ANO4: variants seen among roughly 807,000 people sequenced by gnomAD.
ANO4 encodes anoctamin 4.
A neutral mutation model predicts 141.9 loss-of-function variants in ANO4; 69 were observed. The observed-to-expected ratio is 0.49, with a 90% CI of 0.40 to 0.59. The LOEUF is 0.59. Among genes scored for constraint, ANO4 ranks in the 20% least tolerant of loss-of-function variants. ANO4 has a pLI of 0.00. For synonymous variants in ANO4, 350 were observed against 394.3 expected (o/e 0.89, Z 1.33); for missense variants, 894 against 1,162.2 (o/e 0.77, Z 3.36).
intron 5 of ANO4, among the ~76,000 whole-genome samples, chr12:100,943,482 C>A (rs561000381): frequency 1.3e-5 from 2 of 152,162 alleles, no homozygotes; most frequent in Non-Finnish European, 1.5e-5. Flanking sequence ...TACTTGTTAT[C>A]TGATCTTGGG....
At chr12:101,030,945 A>G (rs1273393891) in intron 9 of ANO4, among the ~76,000 whole-genome samples, 1 of 152,242 alleles carries the variant, frequency 6.6e-6, no homozygotes, top group Non-Finnish European at 1.5e-5. Flanking sequence ...AGTAATTAGT[A>G]GCCTACCCAC....
chr12:101,066,589 C>T (rs943808951), intron 14 of ANO4: 44 of 493,752 alleles, frequency 8.9e-5, no homozygotes, highest in Non-Finnish European at 1.1e-4. Context: ...AGAACACTGA[C>T]GAAAGAAATG....
rs77696838 is a variant in ANO4, at chr12:101,120,789, G to A, written c.2676+164G>A. ...TTTTTGATCTTTTTTCTTAATTGAAGTATTTGATTTTTCCAAGACATATTT... is the reference window on the plus strand; with the variant it reads ...TTTTTGATCTTTTTTCTTAATTGAAATATTTGATTTTTCCAAGACATATTT... On this transcript the variant is annotated intron_variant, in intron 26 of 27. Coordinates refer to ENST00000392977, the MANE Select transcript of ANO4 (RefSeq NM_001286615.2). 6.8e-3 allele frequency among the ~76,000 whole-genome samples: 1,042 copies of A among 152,216 alleles called. 16 individuals are homozygous for A. The highest frequency in any genetic ancestry group is 0.023 in the African/African-American group (962 of 41,532).
intron 14 of ANO4, among the ~76,000 whole-genome samples, chr12:101,051,998 C>T (rs2047892337): frequency 6.6e-6 from 1 of 152,130 alleles, no homozygotes; most frequent in South Asian, 2.1e-4. Flanking sequence ...AAAACAAATG[C>T]ACTCTATTTT....
chr12:100,908,820 A>C (rs988666081), intron 2 of ANO4, among the ~76,000 whole-genome samples: 2 of 152,232 alleles, frequency 1.3e-5, no homozygotes, highest in Non-Finnish European at 2.9e-5. Flanking sequence ...TTGGTTACTA[A>C]GAACAAAAAG....
intron 3 of ANO4, among the ~76,000 whole-genome samples, chr12:100,937,487 A>T (rs554268201): frequency 4.3e-4 from 65 of 152,298 alleles, no homozygotes; most frequent in Non-Finnish European, 8.1e-4. Context: ...AGTCTTCCTC[A>T]AAAAGTGTTA....
At chr12:100,956,158 A>C (rs540607386) in intron 5 of ANO4, among the ~76,000 whole-genome samples, 1 of 152,310 alleles carries the variant, frequency 6.6e-6, no homozygotes, top group African/African-American at 2.4e-5. Flanking sequence ...TTTACAACCA[A>C]ATCCATCACA....
intron 3 of ANO4, among the ~76,000 whole-genome samples, chr12:100,741,967 A>G (rs542062949): frequency 6.6e-6 from 1 of 152,268 alleles, no homozygotes; most frequent in East Asian, 1.9e-4. Flanking sequence ...TTTCTCCTCC[A>G]TAGAGCACTA....
At chr12:101,020,177 A>G in intron 9 of ANO4, 37 bp downstream of exon 9, 1 of 1,423,564 alleles carries the variant, frequency 7.0e-7, no homozygotes, top group Non-Finnish European at 9.8e-7. Flanking sequence ...TACATTTGGC[A>G]TTTGGGAATT....
chr12:100,947,452 T>C (rs2042774196), intron 5 of ANO4, among the ~76,000 whole-genome samples: 1 of 152,196 alleles, frequency 6.6e-6, no homozygotes, highest in Non-Finnish European at 1.5e-5. Context: ...TAAGACCCCA[T>C]ACCTTCTCAG....
chr12:100,907,982 A>G lies in ANO4; in HGVS notation c.55+6142A>G, dbSNP rs191551139. Among the ~76,000 whole-genome samples the G allele has an allele frequency of 7.9e-5, 12 of 152,326 alleles. No homozygotes were observed. In the East Asian group the frequency reaches 2.3e-3, roughly 29 times the overall value. On this transcript the variant is annotated intron_variant, in intron 2 of 27. Transcript: ENST00000392977. Reference sequence around the variant, plus strand: ...ATACAATTAAATGAATGTTATTAAGATATTCCTAATGGTGTTTTATCAACA... The same window carrying G: ...ATACAATTAAATGAATGTTATTAAGGTATTCCTAATGGTGTTTTATCAACA...
intron 6 of ANO4, among the ~76,000 whole-genome samples, chr12:100,972,938 TC>T (rs1420222316): frequency 6.6e-6 from 1 of 152,214 alleles, no homozygotes; most frequent in Non-Finnish European, 1.5e-5. Flanking sequence ...CCTGGCCACA[TC>T]ATGAATAACA....
intron 8 of ANO4, among the ~76,000 whole-genome samples, chr12:101,009,142 T>C (rs543522460): frequency 6.6e-6 from 1 of 152,194 alleles, no homozygotes; most frequent in East Asian, 1.9e-4. Flanking sequence ...GGTGATAGGG[T>C]CTTTAAACAG....
intron 8 of ANO4, among the ~76,000 whole-genome samples, chr12:101,013,785 C>G (rs1046271862): frequency 6.6e-6 from 1 of 152,156 alleles, no homozygotes; most frequent in African/African-American, 2.4e-5. Context: ...TTCATGATCT[C>G]AGAAATTTCT....
At chr12:100,846,211 C>T (rs565691789) in intron 1 of ANO4, among the ~76,000 whole-genome samples, 4 of 152,154 alleles carry the variant, frequency 2.6e-5, no homozygotes, top group Non-Finnish European at 4.4e-5. Context: ...TAGTAGTAAG[C>T]TGAAAAACAT....
intron 3 of ANO4, chr12:100,740,164 C>T: frequency 1.5e-6 from 1 of 686,760 alleles, no homozygotes; most frequent in Non-Finnish European, 2.7e-6. Context: ...TTCCTTCATG[C>T]ATTTGCCTGC....
At chr12:100,886,848 C>T (rs1444639557) in intron 1 of ANO4, among the ~76,000 whole-genome samples, 1 of 152,180 alleles carries the variant, frequency 6.6e-6, no homozygotes, top group Admixed American at 6.5e-5. Flanking sequence ...CCTTTCTCCC[C>T]TCAGAGATTA....
intron 14 of ANO4, among the ~76,000 whole-genome samples, chr12:101,049,559 G>GTGGATGGA (rs147983546): frequency 6.6e-6 from 1 of 151,026 alleles, no homozygotes; most frequent in Non-Finnish European, 1.5e-5. Context: ...GGATAGATAG[G>GTGGATGGA]TGGATGGATG....
chr12:100,933,145 G>T (rs2042149396), intron 3 of ANO4, among the ~76,000 whole-genome samples: 1 of 150,168 alleles, frequency 6.7e-6, no homozygotes, highest in South Asian at 2.1e-4. Flanking sequence ...TATATTTTAA[G>T]TTCTAGGGTA....
Sources: gnomAD v4.1 joint callset for allele counts (sites outside exome capture counted in the v4.1 genomes callset) on GRCh38, gnomAD v4.1.1 for gene constraint, MANE v1.5 for transcripts, NCBI Gene and HGNC (gene_info 2026-07-23, HGNC 2026-07-21) for gene names.